Variants in SYN2 observed in about 807,000 individuals in gnomAD.
SYN2 encodes the protein synapsin-2.
In SYN2, 19 loss-of-function variants were observed where a neutral mutation model predicts 50.9. The observed-to-expected ratio is 0.37, with a 90% confidence interval of 0.26 to 0.55. SYN2 has a LOEUF of 0.55. Ranked by LOEUF, SYN2 falls within the 20% of genes least tolerant of loss-of-function variation. The pLI is 0.81. For synonymous variants in SYN2, 255 were observed against 224.9 expected, an observed-to-expected ratio of 1.13 and a Z score of -1.20; for missense variants, 587 against 576.4, an observed-to-expected ratio of 1.02 and a Z score of -0.19.
chr3:12,072,966 G>A (rs779869550), intron 1 of SYN2, among the ~76,000 whole-genome samples: 18 of 152,092 alleles, frequency 1.2e-4, no homozygotes, highest in Non-Finnish European at 1.9e-4. Flanking sequence ...GAGCCTACCA[G>A]CTGTGGGCCT....
At chr3:12,168,240 T>A in intron 8 of SYN2, 136 bp from the exon 9 acceptor site, 1 of 702,646 alleles carries the variant, frequency 1.4e-6, no homozygotes, top group Non-Finnish European at 2.6e-6. Context: ...GGGTATGTGC[T>A]TGATACGGGT....
At chr3:12,122,136 C>G (rs1696574184) in intron 1 of SYN2, among the ~76,000 whole-genome samples, 1 of 152,190 alleles carries the variant, frequency 6.6e-6, no homozygotes. Flanking sequence ...GTACCATAGC[C>G]TAGCCAAGTT....
chr3:12,062,860 A>G (rs1383518408), intron 1 of SYN2, among the ~76,000 whole-genome samples: 1 of 152,064 alleles, frequency 6.6e-6, no homozygotes, highest in Non-Finnish European at 1.5e-5. Flanking sequence ...GTGAATGGGT[A>G]AACTATGGAA....
rs543251119 is a variant in SYN2, at chr3:12,116,907, GC to G, written c.378-23741del. Among the ~76,000 whole-genome samples, 37 of 152,072 alleles carry G rather than the reference GC, an allele frequency of 2.4e-4. No homozygotes were observed. The East Asian group carries it at 5.8e-3, about 24-fold the overall frequency. On this transcript the variant is annotated intron_variant, in intron 1 of 12. Transcript: ENST00000621198. ...GTGGGACTACAGGCATGCACACCATGCCCAGCTAATTTTTTATTTTTTTTGT... is the reference window on the plus strand; with the variant it reads ...GTGGGACTACAGGCATGCACACCATGCCAGCTAATTTTTTATTTTTTTTGT...
At chr3:12,067,288 A>T (rs1258618378) in intron 1 of SYN2, among the ~76,000 whole-genome samples, 1 of 151,680 alleles carries the variant, frequency 6.6e-6, no homozygotes, top group Non-Finnish European at 1.5e-5. Context: ...TCAGTGATTT[A>T]AAAAAAAAGA....
intron 10 of SYN2, among the ~76,000 whole-genome samples, chr3:12,170,391 CA>C (rs1697912303): frequency 6.6e-6 from 1 of 152,162 alleles, no homozygotes; most frequent in East Asian, 1.9e-4. Flanking sequence ...GAGAGAGTGA[CA>C]AGGCAAAACT....
chr3:12,156,913 CT>C, intron 5 of SYN2: 1 of 1,614,114 alleles, frequency 6.2e-7, no homozygotes, highest in South Asian at 1.1e-5. Flanking sequence ...ACATCCTTGA[CT>C]TTCTCAAACC....
intron 1 of SYN2, among the ~76,000 whole-genome samples, chr3:12,072,987 T>TAGTA (rs1695393708): frequency 6.6e-6 from 1 of 152,222 alleles, no homozygotes; most frequent in Non-Finnish European, 1.5e-5. Context: ...CACTGTCAGA[T>TAGTA]GATCTAGTAG....
intron 5 of SYN2, among the ~76,000 whole-genome samples, chr3:12,160,858 T>G (rs1313937737): frequency 6.6e-6 from 1 of 152,278 alleles, no homozygotes; most frequent in Non-Finnish European, 1.5e-5. Flanking sequence ...AAGGTTTTGT[T>G]GCTCCTCTGT....
At chr3:12,141,499 T>C (rs900258420) in intron 2 of SYN2, among the ~76,000 whole-genome samples, 9 of 152,204 alleles carry the variant, frequency 5.9e-5, no homozygotes, top group African/African-American at 2.2e-4. Context: ...AAAGCAGAAC[T>C]AAAAACTAGT....
chr3:12,042,213 A>G (rs751718595), intron 1 of SYN2, among the ~76,000 whole-genome samples: 2 of 152,226 alleles, frequency 1.3e-5, no homozygotes, highest in Non-Finnish European at 2.9e-5. Context: ...AATAATGACT[A>G]GTATTTGTAT....
In SYN2 at chr3:12,190,882, T is replaced by C. The variant is rs900713673; in HGVS notation, c.*257T>C. 1 of 1,236,548 alleles carries C rather than the reference T, an allele frequency of 8.1e-7. No homozygotes were observed. The highest frequency in any genetic ancestry group is 1.0e-6 in the Non-Finnish European group (1 of 988,418). 76.6% of individuals were successfully genotyped at this position (1,236,548 alleles called of 1,614,324 possible). On this transcript the variant is annotated 3_prime_UTR_variant, in exon 13 of 13. Coordinates refer to ENST00000621198, the MANE Select transcript of SYN2 (RefSeq NM_133625.6). ...CCCTGTAGTCATGAGAGCTTCCTTCTGAAGTCATCGTTCGCTGTGAGTTTA... is the reference window on the plus strand; with the variant it reads ...CCCTGTAGTCATGAGAGCTTCCTTCCGAAGTCATCGTTCGCTGTGAGTTTA...
At chr3:12,132,591 T>C (rs1292647341) in intron 1 of SYN2, among the ~76,000 whole-genome samples, 1 of 152,266 alleles carries the variant, frequency 6.6e-6, no homozygotes, top group Non-Finnish European at 1.5e-5. Flanking sequence ...AGACGACTCA[T>C]TATTTTAGCT....
chr3:12,039,573 T>G (rs1190324382), intron 1 of SYN2, among the ~76,000 whole-genome samples: 6 of 123,706 alleles, frequency 4.9e-5, no homozygotes, highest in Admixed American at 8.6e-5. Flanking sequence ...TTTTTTTTTT[T>G]GTCATTCAGC....
chr3:12,106,779 T>C, intron 1 of SYN2, among the ~76,000 whole-genome samples: 1 of 152,322 alleles, frequency 6.6e-6, no homozygotes, highest in South Asian at 2.1e-4. Context: ...TTATATAGCA[T>C]ATTTTTTCAA....
At chr3:12,028,780 T>C (rs1694320531) in intron 1 of SYN2, among the ~76,000 whole-genome samples, 1 of 148,722 alleles carries the variant, frequency 6.7e-6, no homozygotes, top group Admixed American at 6.7e-5. Context: ...ATATTAGCCC[T>C]TTGTCAGATG....
At chr3:12,112,418 A>T (rs1215920591) in intron 1 of SYN2, among the ~76,000 whole-genome samples, 2 of 152,144 alleles carry the variant, frequency 1.3e-5, no homozygotes, top group African/African-American at 4.8e-5. Flanking sequence ...TGGGGTGCCT[A>T]TCCTGTACTC....
chr3:12,146,544 G>A (rs1392814159), intron 4 of SYN2, among the ~76,000 whole-genome samples: 1 of 152,106 alleles, frequency 6.6e-6, no homozygotes, highest in African/African-American at 2.4e-5. Context: ...TATCATTATT[G>A]TCACTTTTTA....
chr3:12,048,799 G>A (rs545183878), intron 1 of SYN2, among the ~76,000 whole-genome samples: 1 of 152,330 alleles, frequency 6.6e-6, no homozygotes, highest in Admixed American at 6.5e-5. Flanking sequence ...TCATGCAGCA[G>A]TAAATGGTAG....
Sources: allele counts gnomAD v4.1 joint callset (sites outside exome capture counted in the v4.1 genomes callset), GRCh38; gene constraint gnomAD v4.1.1; transcripts MANE v1.5; gene names NCBI Gene and HGNC (gene_info 2026-07-23, HGNC 2026-07-21).